FAM234A: variants seen among roughly 807,000 people sequenced by gnomAD.
FAM234A encodes the protein family with sequence similarity 234 member A.
A neutral mutation model predicts 49.1 loss-of-function variants in FAM234A; 42 were observed. That is an observed-to-expected ratio of 0.86 (90% CI 0.67 to 1.11). The LOEUF (loss-of-function observed/expected upper bound fraction) is 1.11, where lower values mean the gene tolerates loss of function less well. Ranked by LOEUF, FAM234A falls within the 50% of genes least tolerant of loss-of-function variation. The pLI is 0.00. For missense variants in FAM234A, 815 were observed against 745.2 expected (o/e 1.09, Z -1.09); for synonymous variants, 369 against 316.2 (o/e 1.17, Z -1.77).
intron 1 of FAM234A, among the ~76,000 whole-genome samples, chr16:236,294 GGACTACAGGCAT>G (rs1182373725): frequency 1.3e-5 from 2 of 151,564 alleles, no homozygotes; most frequent in Non-Finnish European, 2.9e-5. Flanking sequence ...TGAGTATCTG[GGACTACAGGCAT>G]GTGCCACCAT....
Position 265,553 on chromosome 16 carries a change from C to G in FAM234A, c.*531C>G. 1.0e-6 allele frequency: 1 copy of G among 986,028 alleles called. No individual in the cohort carries two copies. The highest frequency in any genetic ancestry group is 1.2e-6 in the Non-Finnish European group (1 of 830,388). 61.1% of individuals were successfully genotyped at this position (986,028 alleles called of 1,614,324 possible). Reference sequence around the variant, plus strand: ...ACTGGGCCTCAACGGGAACCTGAGACAGCTCCAGCTTCGCAGCCCTTCCCG... The same window carrying G: ...ACTGGGCCTCAACGGGAACCTGAGAGAGCTCCAGCTTCGCAGCCCTTCCCG... On this transcript the variant is annotated 3_prime_UTR_variant, in exon 13 of 13. Transcript: ENST00000399932.
chr16:254,098 G>T, intron 2 of FAM234A: 1 of 373,644 alleles, frequency 2.7e-6, no homozygotes, highest in Admixed American at 4.5e-5. Flanking sequence ...CATTTCCTGG[G>T]TTCGGCAGGC....
chr16:254,716 A>T (rs772276228), intron 3 of FAM234A, 35 bp downstream of exon 3: 35 of 1,606,638 alleles, frequency 2.2e-5, no homozygotes, highest in Non-Finnish European at 2.6e-5. Context: ...TGGGGTCCAA[A>T]GCAGCTCTTC....
chr16:263,201 C>T, intron 8 of FAM234A, 61 bp from the exon 9 acceptor site: 1 of 1,589,304 alleles, frequency 6.3e-7, no homozygotes, highest in East Asian at 2.2e-5. Context: ...CCAGAGCCTC[C>T]ACTGGGTGCC....
In FAM234A at chr16:260,109, T is replaced by C. The variant is rs370591511; in HGVS notation, c.526T>C (p.Cys176Arg). The C allele has an allele frequency of 1.2e-6, 2 of 1,613,806 alleles. No individual in the cohort carries two copies. Among genetic ancestry groups the C allele is most frequent in the Non-Finnish European group, 1.7e-6 (2 of 1,180,026 alleles). ...QPRGSEAPSA[C>R]ILVGRPSSFI... ...AAGAGGCAGTGAGGCACCTTCTGCC[T>C]GCATCCTGGTGGGCAGACCCAGTTC... Residue 176 changes from cysteine to arginine, a missense_variant, in exon 5 of 13, where the codon TGC becomes CGC. Coordinates refer to ENST00000399932, the MANE Select transcript of FAM234A (RefSeq NM_032039.4).
intron 3 of FAM234A, among the ~76,000 whole-genome samples, chr16:255,654 C>G (rs2051202319): frequency 6.6e-6 from 1 of 152,186 alleles, no homozygotes; most frequent in Non-Finnish European, 1.5e-5. Context: ...AGTCTCCTGT[C>G]TCCAAAGATT....
intron 3 of FAM234A, among the ~76,000 whole-genome samples, chr16:257,236 C>CTTT (rs759071082): frequency 4.7e-4 from 42 of 89,014 alleles, no homozygotes; most frequent in South Asian, 7.3e-4. Flanking sequence ...TCAATGAAGT[C>CTTT]TTTTTTTTTT....
chr16:263,477 G>A (rs940584279), intron 9 of FAM234A, 75 bp downstream of exon 9: 93 of 1,571,528 alleles, frequency 5.9e-5, no homozygotes, highest in Non-Finnish European at 7.7e-5. Flanking sequence ...GTTGGCTGGC[G>A]AGGAGACAGC....
At chr16:247,634 T>A (rs1264425985) in intron 1 of FAM234A, among the ~76,000 whole-genome samples, 1 of 151,952 alleles carries the variant, frequency 6.6e-6, no homozygotes, top group Non-Finnish European at 1.5e-5. Context: ...GGTTTCACCA[T>A]GTTGGCCAGG....
chr16:251,713 T>TG (rs1409274139), intron 2 of FAM234A, among the ~76,000 whole-genome samples: 6 of 119,936 alleles, frequency 5.0e-5, no homozygotes, highest in African/African-American at 2.1e-4. Context: ...TTTTAAGAGA[T>TG]GGGGTCTTGG....
chr16:261,035 G>A (rs1397356795), intron 5 of FAM234A, among the ~76,000 whole-genome samples: 4 of 152,126 alleles, frequency 2.6e-5, no homozygotes, highest in East Asian at 1.9e-4. Flanking sequence ...TCATCCACTC[G>A]GGCAGGAGGG....
chr16:269,246 G>T, downstream of FAM234A: 1 of 1,471,868 alleles, frequency 6.8e-7, no homozygotes, highest in Non-Finnish European at 9.3e-7. Context: ...GCAGGGACTA[G>T]AGTGGCAGAT....
chr16:265,794 T>C lies in FAM234A; in HGVS notation c.*772T>C. 5.1e-6 allele frequency: 5 copies of C among 985,682 alleles called. No individual in the cohort carries two copies. The highest frequency in any genetic ancestry group is 4.8e-6 in the Non-Finnish European group (4 of 830,082). 61.1% of individuals were successfully genotyped at this position (985,682 alleles called of 1,614,324 possible). A position where few individuals can be genotyped will look rare whatever the true frequency, so the allele number is the denominator to read the frequency against. ...CCCAAGGAACTGGCTGTGGAATGCGTGTTTGGGTCAGTCTGTGCCCTCTCA... is the reference window on the plus strand; with the variant it reads ...CCCAAGGAACTGGCTGTGGAATGCGCGTTTGGGTCAGTCTGTGCCCTCTCA... On this transcript the variant is annotated 3_prime_UTR_variant, in exon 13 of 13. Transcript: ENST00000399932.
downstream of FAM234A, chr16:269,249 T>C (rs916719438): frequency 1.0e-5 from 15 of 1,485,628 alleles, no homozygotes; most frequent in African/African-American, 1.9e-4. Flanking sequence ...GGGACTAGAG[T>C]GGCAGATGGG....
chr16:238,094 C>T (rs1468173355), intron 1 of FAM234A, among the ~76,000 whole-genome samples: 1 of 152,128 alleles, frequency 6.6e-6, no homozygotes, highest in African/African-American at 2.4e-5. Flanking sequence ...TCTTGGCCCA[C>T]TGCAACCCCC....
chr16:243,999 T>G (rs573131372), intron 1 of FAM234A, among the ~76,000 whole-genome samples: 2 of 151,966 alleles, frequency 1.3e-5, no homozygotes, highest in African/African-American at 4.8e-5. Flanking sequence ...GTCGGAGTCT[T>G]GCTCTGTCAC....
At chr16:252,938 G>A (rs951520138) in intron 2 of FAM234A, among the ~76,000 whole-genome samples, 9 of 152,134 alleles carry the variant, frequency 5.9e-5, no homozygotes, top group Admixed American at 5.2e-4. Context: ...TTTTGGGTAG[G>A]TGAAGGTTTT....
Position 262,223 on chromosome 16 carries a change from G to A in FAM234A, c.839G>A (p.Cys280Tyr). ...GGTGCCCACTACATCCTCTTTCCCT[G>A]CGGTACGTTGTTTCTGCCACATCCC... ...RTGAHYILFPCASSLCGCSVK... is the reference protein window; with the variant it reads ...RTGAHYILFPYASSLCGCSVK... The change falls in exon 7 of 13, where the codon TGC (cysteine) becomes TAC (tyrosine). Residue 280 changes from cysteine to tyrosine, a missense_variant and splice_region_variant. Transcript: ENST00000399932. The A allele has an allele frequency of 6.2e-7, 1 of 1,613,830 alleles. No homozygotes were observed. Among genetic ancestry groups the A allele is most frequent in the Non-Finnish European group, 8.5e-7 (1 of 1,179,944 alleles).
chr16:252,210 G>A (rs1234669750), intron 2 of FAM234A, among the ~76,000 whole-genome samples: 2 of 137,096 alleles, frequency 1.5e-5, no homozygotes, highest in African/African-American at 5.5e-5. Context: ...TTGAGACAGA[G>A]TCTCACTGTC....
Sources: gnomAD v4.1 joint callset for allele counts (sites outside exome capture counted in the v4.1 genomes callset) on GRCh38, gnomAD v4.1.1 for gene constraint, MANE v1.5 for transcripts, NCBI Gene and HGNC (gene_info 2026-07-23, HGNC 2026-07-21) for gene names.